The following SEMA5A variants were observed in gnomAD, a reference collection of about 807,000 sequenced individuals.
SEMA5A encodes the protein semaphorin-5A.
A neutral mutation model predicts 135.5 loss-of-function variants in SEMA5A; 55 were observed. The observed-to-expected ratio is 0.41, with a 90% confidence interval of 0.33 to 0.51. SEMA5A has a LOEUF of 0.51. Ranked by LOEUF, SEMA5A falls within the 20% of genes least tolerant of loss-of-function variation. The probability of loss-of-function intolerance (pLI) is 0.37; values close to 1 mark genes in which losing one functional copy is unlikely to be tolerated. For synonymous variants in SEMA5A, 580 were observed against 546.5 expected (o/e 1.06, Z -0.85); for missense variants, 1,290 against 1,419.9 (o/e 0.91, Z 1.47).
At chr5:9,262,873 G>T in intron 5 of SEMA5A, among the ~76,000 whole-genome samples, 1 of 112,178 alleles carries the variant, frequency 8.9e-6, no homozygotes, top group Admixed American at 1.1e-4. Context: ...ATGTGCACAT[G>T]TACCCTAAAA....
chr5:9,220,850 G>A (rs1005276434), intron 8 of SEMA5A, among the ~76,000 whole-genome samples: 3 of 152,178 alleles, frequency 2.0e-5, no homozygotes, highest in Admixed American at 6.5e-5. Context: ...AGACACTGTG[G>A]GACTGGGGAG....
At chr5:9,449,908 A>G (rs541818629) in intron 1 of SEMA5A, among the ~76,000 whole-genome samples, 2 of 152,142 alleles carry the variant, frequency 1.3e-5, no homozygotes, top group African/African-American at 2.4e-5. Flanking sequence ...TTTCCTCACA[A>G]TAAAATTCTC....
intron 1 of SEMA5A, among the ~76,000 whole-genome samples, chr5:9,504,806 C>G (rs879407680): frequency 3.9e-5 from 6 of 152,274 alleles, no homozygotes; most frequent in Non-Finnish European, 8.8e-5. Flanking sequence ...GACAGCAACA[C>G]TGCCAGCGGA....
chr5:9,384,637 TAGATAGATAGATAGATAGATAGATATAG>T lies in SEMA5A; in HGVS notation c.-77-4642_-77-4615del, dbSNP rs1561208035. Among the ~76,000 whole-genome samples the T allele has an allele frequency of 9.7e-3, 1,157 of 119,280 alleles. 60 individuals are homozygous for T. Among genetic ancestry groups the T allele is most frequent in the Non-Finnish European group, 0.014 (761 of 55,540 alleles). 78.3% of individuals were successfully genotyped at this position (119,280 alleles called of 152,430 possible). On this transcript the variant is annotated intron_variant, in intron 2 of 22. Transcript: ENST00000382496. ...ATAGATACATAGATAGATAGATAGA[TAGATAGATAGATAGATAGATAGATATAG>T]ATAGATAGATATAGATAGATAGATA...
intron 9 of SEMA5A, 149 bp downstream of exon 9, chr5:9,201,806 A>G (rs1745720659): frequency 2.9e-6 from 2 of 686,044 alleles, no homozygotes; most frequent in Non-Finnish European, 4.8e-6. Flanking sequence ...CATGTAGTCT[A>G]CTGAAAAGTC....
chr5:9,400,321 A>G (rs964649817), intron 2 of SEMA5A, among the ~76,000 whole-genome samples: 2 of 152,220 alleles, frequency 1.3e-5, no homozygotes, highest in Admixed American at 6.5e-5. Flanking sequence ...AACTTAAAGT[A>G]AAATTTAAAA....
chr5:9,098,354 A>C (rs551083422), intron 16 of SEMA5A, among the ~76,000 whole-genome samples: 237 of 152,342 alleles, frequency 1.6e-3, no homozygotes, highest in Non-Finnish European at 2.8e-3. Context: ...AATCAGAAGT[A>C]GACAAGGTGA....
intron 6 of SEMA5A, among the ~76,000 whole-genome samples, chr5:9,232,893 C>T (rs972317665): frequency 2.4e-4 from 37 of 152,150 alleles, no homozygotes; most frequent in African/African-American, 8.4e-4. Flanking sequence ...AATATTGGCA[C>T]TTAGGTACAA....
intron 3 of SEMA5A, among the ~76,000 whole-genome samples, chr5:9,344,241 T>A (rs1260670943): frequency 6.6e-6 from 1 of 152,234 alleles, no homozygotes; most frequent in African/African-American, 2.4e-5. Flanking sequence ...GTTATAAAAT[T>A]TTTTTAAACC....
In SEMA5A at chr5:9,529,057, A is replaced by G. The variant is rs144975526; in HGVS notation, c.-175+16527T>C. ...GCTAGGCAGAAGAGCTGCCTTTTCT[A>G]TTCTGAACCCATGGTAGCACTGTAT... On this transcript the variant is annotated intron_variant, in intron 1 of 22. Coordinates refer to ENST00000382496, the MANE Select transcript of SEMA5A (RefSeq NM_003966.3). Among the ~76,000 whole-genome samples the G allele has an allele frequency of 3.6e-3, 550 of 152,328 alleles. 5 individuals carry two copies. Among genetic ancestry groups the G allele is most frequent in the South Asian group, 0.026 (127 of 4,830 alleles).
chr5:9,134,190 AGAC>A (rs1741599851), intron 13 of SEMA5A, among the ~76,000 whole-genome samples: 1 of 152,218 alleles, frequency 6.6e-6, no homozygotes, highest in Admixed American at 6.5e-5. Context: ...GTGTGAAAGC[AGAC>A]TAATACAAGT....
At chr5:9,432,631 C>A (rs1172242004) in intron 2 of SEMA5A, among the ~76,000 whole-genome samples, 2 of 152,182 alleles carry the variant, frequency 1.3e-5, no homozygotes, top group Non-Finnish European at 2.9e-5. Flanking sequence ...GGTTATGAAT[C>A]TCAAAAAGCG....
At chr5:9,119,236 G>T in intron 14 of SEMA5A, 95 bp from the exon 15 acceptor site, 1 of 1,463,706 alleles carries the variant, frequency 6.8e-7, no homozygotes, top group Non-Finnish European at 9.4e-7. Context: ...TTCCTCAGGA[G>T]GATCACGCTT....
chr5:9,263,904 C>T (rs1749538701), intron 5 of SEMA5A, among the ~76,000 whole-genome samples: 1 of 152,210 alleles, frequency 6.6e-6, no homozygotes, highest in Non-Finnish European at 1.5e-5. Flanking sequence ...TATCTTTTCT[C>T]AAACACACAT....
At position 9,374,223 on chromosome 5, in the gene SEMA5A, G is replaced by T. The variant is rs540078939; in HGVS notation, c.124+5600C>A. On this transcript the variant is annotated intron_variant, in intron 3 of 22. Transcript: ENST00000382496. Reference sequence around the variant, plus strand: ...GCGTGTTATGCAATGAACTCCACTAGACAGGAGGAGCCTGCAGTGGCAAAT... The same window carrying T: ...GCGTGTTATGCAATGAACTCCACTATACAGGAGGAGCCTGCAGTGGCAAAT... 4.6e-5 allele frequency among the ~76,000 whole-genome samples: 7 copies of T among 151,940 alleles called. No homozygotes were observed. The South Asian group carries it at 1.5e-3, about 32-fold the overall frequency.
intron 5 of SEMA5A, among the ~76,000 whole-genome samples, chr5:9,257,626 C>A (rs1025749959): frequency 6.6e-6 from 1 of 152,048 alleles, no homozygotes; most frequent in Non-Finnish European, 1.5e-5. Flanking sequence ...TTTCTCCTGA[C>A]AGATGAGGTC....
intron 11 of SEMA5A, among the ~76,000 whole-genome samples, chr5:9,189,155 C>T (rs566735202): frequency 1.0e-3 from 152 of 152,368 alleles, no homozygotes; most frequent in East Asian, 5.8e-3. Flanking sequence ...CACCTCCTGG[C>T]GGAGATCAAT....
intron 5 of SEMA5A, among the ~76,000 whole-genome samples, chr5:9,265,024 C>T (rs1425965672): frequency 1.3e-5 from 2 of 152,080 alleles, no homozygotes; most frequent in Non-Finnish European, 2.9e-5. Context: ...CTTTGGGAGC[C>T]TTCATTATAA....
intron 3 of SEMA5A, among the ~76,000 whole-genome samples, chr5:9,372,644 T>C (rs935309598): frequency 3.3e-5 from 5 of 151,814 alleles, no homozygotes; most frequent in African/African-American, 1.2e-4. Flanking sequence ...CATAGTGCCA[T>C]GGCACATGCA....
Sources: gnomAD v4.1 joint callset for allele counts (sites outside exome capture counted in the v4.1 genomes callset) on GRCh38, gnomAD v4.1.1 for gene constraint, MANE v1.5 for transcripts, NCBI Gene and HGNC (gene_info 2026-07-23, HGNC 2026-07-21) for gene names.